Variants in PLAAT4 observed in about 807,000 individuals in gnomAD.
PLAAT4 encodes phospholipase A and acyltransferase 4.
Under a neutral mutation model 14.1 loss-of-function variants are expected in PLAAT4, and 12 were observed. The ratio of observed to expected loss-of-function variants is 0.85; its 90% CI spans 0.54 to 1.37. The LOEUF (loss-of-function observed/expected upper bound fraction) is 1.37, where lower values mean the gene tolerates loss of function less well. PLAAT4 is among the 40% of genes most tolerant of loss of function. The pLI is 0.00. For synonymous variants in PLAAT4, 77 were observed against 79.8 expected, an observed-to-expected ratio of 0.96 and a Z score of 0.19; for missense variants, 163 against 211.7, an observed-to-expected ratio of 0.77 and a Z score of 1.43.
In PLAAT4 at chr11:63,544,786, C is replaced by A. The variant is rs368935735; in HGVS notation, c.284C>A (p.Ser95Tyr). The A allele has an allele frequency of 2.5e-6, 4 of 1,614,208 alleles. No homozygotes were observed. Among genetic ancestry groups the A allele is most frequent in the Non-Finnish European group, 3.4e-6 (4 of 1,180,040 alleles). ...QPRPVEVIIS[S>Y]AKEMVGQKMK... ...CGGCCCGTGGAGGTGATCATCAGTT[C>A]TGCGAAGGAGATGGTTGGTCAGAAG... The change falls in exon 3 of 4, where the codon TCT becomes TAT. Residue 95 changes from serine to tyrosine, a missense_variant. Transcript: ENST00000255688.
At chr11:63,543,718 T>A (rs765401271) in intron 2 of PLAAT4, among the ~76,000 whole-genome samples, 2 of 152,222 alleles carry the variant, frequency 1.3e-5, no homozygotes, top group Non-Finnish European at 2.9e-5. Context: ...TCCATTTTAA[T>A]AAAAATAAGA....
At chr11:63,538,007 C>T (rs1000497233) in intron 1 of PLAAT4, among the ~76,000 whole-genome samples, 18 of 152,154 alleles carry the variant, frequency 1.2e-4, no homozygotes, top group African/African-American at 4.3e-4. Flanking sequence ...GTCAGCTGAG[C>T]CAGGCTGGGG....
chr11:63,537,874 T>G (rs1044969117), intron 1 of PLAAT4, among the ~76,000 whole-genome samples: 2 of 152,144 alleles, frequency 1.3e-5, no homozygotes, highest in African/African-American at 4.8e-5. Context: ...CACAGGATCC[T>G]GCCTGCCTGG....
chr11:63,538,468 C>A, intron 1 of PLAAT4: 1 of 311,856 alleles, frequency 3.2e-6, no homozygotes. Flanking sequence ...TTCCGGAGTC[C>A]ACATTGATTG....
chr11:63,543,874 T>C (rs1422458534), intron 2 of PLAAT4, among the ~76,000 whole-genome samples: 1 of 152,202 alleles, frequency 6.6e-6, no homozygotes, highest in Non-Finnish European at 1.5e-5. Flanking sequence ...CCCAGTGCAG[T>C]GGAAGGAGCC....
chr11:63,538,174 G>A (rs1464343640), intron 1 of PLAAT4, among the ~76,000 whole-genome samples: 2 of 152,138 alleles, frequency 1.3e-5, no homozygotes, highest in Non-Finnish European at 2.9e-5. Context: ...CAGTGGGCCT[G>A]TGGGTGCAGA....
chr11:63,540,982 C>G (rs2017317093), intron 2 of PLAAT4, among the ~76,000 whole-genome samples: 1 of 152,184 alleles, frequency 6.6e-6, no homozygotes, highest in South Asian at 2.1e-4. Flanking sequence ...TGGACAAAAA[C>G]CATTCCCATC....
In PLAAT4 at chr11:63,536,828, C is replaced by A; in HGVS notation, c.-41C>A. ...TCTCTCCTTCAGCATAAAAGCTGAT[C>A]CACAAACAAGAGGAGCACCAGACCT... On this transcript the variant is annotated 5_prime_UTR_variant, in exon 1 of 4. Coordinates refer to ENST00000255688, the MANE Select transcript of PLAAT4 (RefSeq NM_004585.5). 1.3e-6 allele frequency: 2 copies of A among 1,599,712 alleles called. No individual in the cohort carries two copies. Among genetic ancestry groups the A allele is most frequent in the South Asian group, 1.1e-5 (1 of 88,752 alleles).
At chr11:63,540,501 G>A (rs923996986) in intron 2 of PLAAT4, among the ~76,000 whole-genome samples, 2 of 151,336 alleles carry the variant, frequency 1.3e-5, no homozygotes, top group South Asian at 2.1e-4. Context: ...TGAAGGAAAC[G>A]TATGTATGGA....
chr11:63,545,076 T>G (rs1015065772), intron 3 of PLAAT4, 187 bp downstream of exon 3: 7 of 780,268 alleles, frequency 9.0e-6, no homozygotes, highest in Non-Finnish European at 2.1e-6. Flanking sequence ...GACAGTTCCC[T>G]TCCCCCCAGG....
chr11:63,539,453 C>G (rs2017302966), intron 1 of PLAAT4, 63 bp from the exon 2 acceptor site: 2 of 1,373,924 alleles, frequency 1.5e-6, no homozygotes, highest in Admixed American at 1.7e-5. Flanking sequence ...GCAGCTCCCC[C>G]AGCCAGGGTC....
intron 1 of PLAAT4, among the ~76,000 whole-genome samples, chr11:63,537,830 C>T (rs937325967): frequency 3.3e-5 from 5 of 152,218 alleles, no homozygotes; most frequent in African/African-American, 1.2e-4. Context: ...CCAGGCCCTT[C>T]ACTGGGTCCT....
intron 1 of PLAAT4, among the ~76,000 whole-genome samples, chr11:63,537,909 G>A (rs1052091405): frequency 4.6e-5 from 7 of 152,186 alleles, no homozygotes; most frequent in African/African-American, 1.7e-4. Flanking sequence ...AGGGGCACAG[G>A]GAGGCACAGG....
intron 2 of PLAAT4, among the ~76,000 whole-genome samples, chr11:63,543,158 C>T (rs1279684210): frequency 1.3e-5 from 2 of 152,202 alleles, no homozygotes; most frequent in Non-Finnish European, 2.9e-5. Context: ...TTGTAAAATA[C>T]TTTATCAAAT....
intron 2 of PLAAT4, among the ~76,000 whole-genome samples, chr11:63,541,337 G>T (rs967238289): frequency 6.6e-6 from 1 of 152,008 alleles, no homozygotes; most frequent in African/African-American, 2.4e-5. Context: ...GGCTACAGGC[G>T]CATGCCACCA....
At chr11:63,541,348 C>A (rs2017319630) in intron 2 of PLAAT4, among the ~76,000 whole-genome samples, 1 of 152,090 alleles carries the variant, frequency 6.6e-6, no homozygotes. Flanking sequence ...CATGCCACCA[C>A]AGCCAGCTAG....
intron 2 of PLAAT4, among the ~76,000 whole-genome samples, chr11:63,543,464 C>T (rs1039727001): frequency 2.0e-5 from 3 of 152,222 alleles, no homozygotes; most frequent in East Asian, 1.9e-4. Flanking sequence ...TGCCACCACG[C>T]GCAGCTAATT....
Position 63,545,002 on chromosome 11 carries a change from G to A in PLAAT4, c.387+113G>A, listed in dbSNP as rs763581296. ...AAATGCAGCCTCTTAGAGACCTGCT[G>A]GCTGAGAGTCAGGACCTCTGAGCTC... On this transcript the variant is annotated intron_variant, in intron 3 of 3. Transcript: ENST00000255688. 5.0e-5 allele frequency: 74 copies of A among 1,474,514 alleles called. 1 individual carries two copies. In the South Asian group the frequency reaches 7.5e-4, roughly 15 times the overall value. 91.3% of individuals were successfully genotyped at this position (1,474,514 alleles called of 1,614,324 possible).
intron 2 of PLAAT4, among the ~76,000 whole-genome samples, chr11:63,543,186 C>G (rs1221000539): frequency 6.6e-6 from 1 of 152,216 alleles, no homozygotes; most frequent in Non-Finnish European, 1.5e-5. Flanking sequence ...TCAGTTAAAG[C>G]AGGGGTCCCC....
Sources: gnomAD v4.1 joint callset for allele counts (sites outside exome capture counted in the v4.1 genomes callset) on GRCh38, gnomAD v4.1.1 for gene constraint, MANE v1.5 for transcripts, NCBI Gene and HGNC (gene_info 2026-07-23, HGNC 2026-07-21) for gene names.